FAM135B: variants seen among roughly 807,000 people sequenced by gnomAD.
FAM135B encodes protein FAM135B.
Under a neutral mutation model 127.7 loss-of-function variants are expected in FAM135B, and 43 were observed. The observed-to-expected ratio is 0.34, with a 90% CI of 0.26 to 0.43. The LOEUF (loss-of-function observed/expected upper bound fraction) is 0.43, where lower values mean the gene tolerates loss of function less well. Ranked by LOEUF, FAM135B falls within the 20% of genes least tolerant of loss-of-function variation. The pLI is 1.00. For synonymous variants in FAM135B, 670 were observed against 665.1 expected (o/e 1.01, Z -0.11); for missense variants, 1,558 against 1,725.6 (o/e 0.90, Z 1.72).
intron 1 of FAM135B, among the ~76,000 whole-genome samples, chr8:138,484,356 GT>G (rs984664660): frequency 6.6e-6 from 1 of 152,128 alleles, no homozygotes; most frequent in African/African-American, 2.4e-5. Flanking sequence ...GAGGGAAATG[GT>G]TTGTTTTACT....
chr8:138,397,806 G>A (rs535489154), intron 1 of FAM135B, among the ~76,000 whole-genome samples: 2 of 152,108 alleles, frequency 1.3e-5, no homozygotes, highest in South Asian at 4.2e-4. Context: ...GCTCATGTTC[G>A]GGTCCTCCAG....
intron 7 of FAM135B, among the ~76,000 whole-genome samples, chr8:138,238,275 T>C (rs1820457863): frequency 6.6e-6 from 1 of 152,208 alleles, no homozygotes; most frequent in Non-Finnish European, 1.5e-5. Flanking sequence ...TCAGGCTGTA[T>C]GCTCAAGGCC....
chr8:138,460,614 T>G (rs1837065987), intron 1 of FAM135B, among the ~76,000 whole-genome samples: 1 of 152,202 alleles, frequency 6.6e-6, no homozygotes, highest in Non-Finnish European at 1.5e-5. Flanking sequence ...AGACAGTTAT[T>G]CATTCTCCAG....
chr8:138,243,202 G>T lies in FAM135B; in HGVS notation c.543-134C>A, dbSNP rs1820983342. The T allele has an allele frequency of 1.4e-5, 14 of 966,136 alleles. No homozygotes were observed. In the South Asian group the frequency reaches 2.8e-4, roughly 19 times the overall value. The allele number at this position is 966,136 out of a possible 1,614,324, so 59.8% of individuals were successfully genotyped here. A position where few individuals can be genotyped will look rare whatever the true frequency, so the allele number is the denominator to read the frequency against. ...TTAGGAGTAGTTCACCCCCTAGGGA[G>T]TGTTTGCATGTGACATTTGTGGATA... On this transcript the variant is annotated intron_variant, in intron 6 of 19. Coordinates refer to ENST00000395297, the MANE Select transcript of FAM135B (RefSeq NM_015912.4). This position sits in a 1 kb window ranked among gnomAD's most constrained non-coding sequence, Gnocchi z 7.5.
intron 1 of FAM135B, among the ~76,000 whole-genome samples, chr8:138,378,270 G>C (rs1325042864): frequency 3.3e-5 from 5 of 152,194 alleles, no homozygotes; most frequent in African/African-American, 1.2e-4. Flanking sequence ...AAGAAGGCAG[G>C]AGCACCTACT....
At chr8:138,262,486 GT>G (rs1242480159) in intron 4 of FAM135B, among the ~76,000 whole-genome samples, 1 of 152,170 alleles carries the variant, frequency 6.6e-6, no homozygotes, top group Non-Finnish European at 1.5e-5. Context: ...TAATGGTATT[GT>G]TTCCTAAACT....
At chr8:138,142,793 C>A in intron 16 of FAM135B, 2 of 449,692 alleles carry the variant, frequency 4.4e-6, no homozygotes, top group Non-Finnish European at 7.9e-6. Context: ...TTCTACAGAA[C>A]TACAAAATTT....
intron 2 of FAM135B, among the ~76,000 whole-genome samples, chr8:138,314,542 C>G (rs60075050): frequency 5.3e-5 from 8 of 151,852 alleles, no homozygotes; most frequent in Non-Finnish European, 7.4e-5. Flanking sequence ...AATGTTCATA[C>G]ACAAAAAGCA....
chr8:138,381,429 A>C (rs967761321), intron 1 of FAM135B, among the ~76,000 whole-genome samples: 26 of 152,212 alleles, frequency 1.7e-4, no homozygotes, highest in African/African-American at 6.0e-4. Flanking sequence ...GCCCTCCCTA[A>C]CAGAAGCCCC....
chr8:138,315,530 T>C (rs946757950), intron 2 of FAM135B, among the ~76,000 whole-genome samples: 2 of 152,120 alleles, frequency 1.3e-5, no homozygotes, highest in South Asian at 2.1e-4. Context: ...TCCACCTTCA[T>C]TGCGGCATTA....
intron 1 of FAM135B, among the ~76,000 whole-genome samples, chr8:138,406,157 T>C (rs1833474424): frequency 2.6e-5 from 4 of 151,176 alleles, no homozygotes; most frequent in South Asian, 2.1e-4. Flanking sequence ...TTCTCCCATT[T>C]TGTAGGTTGC....
intron 2 of FAM135B, among the ~76,000 whole-genome samples, chr8:138,316,259 C>A (rs891575999): frequency 6.6e-6 from 1 of 152,154 alleles, no homozygotes; most frequent in Non-Finnish European, 1.5e-5. Context: ...GTAATCCCAG[C>A]ACTTTGGGAG....
chr8:138,155,469 C>A (rs1174457645), intron 12 of FAM135B, among the ~76,000 whole-genome samples: 1 of 152,090 alleles, frequency 6.6e-6, no homozygotes, highest in African/African-American at 2.4e-5. Flanking sequence ...TGTAAATGGG[C>A]TAAATGCTCC....
At chr8:138,391,430 C>G (rs1333379653) in intron 1 of FAM135B, among the ~76,000 whole-genome samples, 1 of 152,078 alleles carries the variant, frequency 6.6e-6, no homozygotes, top group Non-Finnish European at 1.5e-5. Flanking sequence ...TCCCATCCAC[C>G]AGCCTCACAT....
At chr8:138,339,372 TA>T (rs1162969389) in intron 2 of FAM135B, among the ~76,000 whole-genome samples, 1 of 150,576 alleles carries the variant, frequency 6.6e-6, no homozygotes, top group African/African-American at 2.5e-5. Flanking sequence ...TATATATATA[TA>T]TATATATATA....
At chr8:138,213,045 T>C (rs1586789525) in intron 7 of FAM135B, among the ~76,000 whole-genome samples, 1 of 152,210 alleles carries the variant, frequency 6.6e-6, no homozygotes, top group Non-Finnish European at 1.5e-5. Context: ...GTCTGTTAAA[T>C]GAAATGAGCA....
At chr8:138,423,624 G>A (rs1834658354) in intron 1 of FAM135B, among the ~76,000 whole-genome samples, 1 of 152,148 alleles carries the variant, frequency 6.6e-6, no homozygotes, top group South Asian at 2.1e-4. Flanking sequence ...ATGGAGGCAG[G>A]GCGGGATCAC....
intron 2 of FAM135B, among the ~76,000 whole-genome samples, chr8:138,318,122 A>C (rs1262741036): frequency 6.6e-6 from 1 of 152,264 alleles, no homozygotes; most frequent in African/African-American, 2.4e-5. Flanking sequence ...CAACGTTAGC[A>C]ATAAAGCACT....
intron 1 of FAM135B, among the ~76,000 whole-genome samples, chr8:138,411,761 A>C (rs375448972): frequency 6.6e-6 from 1 of 152,324 alleles, no homozygotes; most frequent in South Asian, 2.1e-4. Context: ...AATATCCAGA[A>C]TGTACTTGTA....
Sources: gnomAD v4.1 joint callset for allele counts (sites outside exome capture counted in the v4.1 genomes callset) on GRCh38, gnomAD v4.1.1 for gene constraint, Gnocchi (gnomAD v3.1) non-coding constraint, MANE v1.5 for transcripts, NCBI Gene and HGNC (gene_info 2026-07-23, HGNC 2026-07-21) for gene names.